Variants in KATNAL1 observed in about 807,000 individuals in gnomAD.
KATNAL1 encodes katanin p60 ATPase-containing subunit A-like 1.
Under a neutral mutation model 55.2 loss-of-function variants are expected in KATNAL1, and 32 were observed. The ratio of observed to expected loss-of-function variants is 0.58; its 90% CI spans 0.44 to 0.78. The LOEUF (loss-of-function observed/expected upper bound fraction) is 0.78, where lower values mean the gene tolerates loss of function less well. Ranked by LOEUF, KATNAL1 falls within the 30% of genes least tolerant of loss-of-function variation. The pLI is 0.00. For synonymous variants in KATNAL1, 193 were observed against 193.6 expected (o/e 1.00, Z 0.02); for missense variants, 466 against 600.9 (o/e 0.78, Z 2.35).
At chr13:30,271,512 C>T (rs1045423707) in intron 3 of KATNAL1, among the ~76,000 whole-genome samples, 4 of 151,896 alleles carry the variant, frequency 2.6e-5, no homozygotes, top group Admixed American at 2.0e-4. Context: ...TTGGGGGGTG[C>T]GGGCGGAAGG....
At chr13:30,248,837 A>G (rs972123037) in intron 4 of KATNAL1, among the ~76,000 whole-genome samples, 1 of 152,196 alleles carries the variant, frequency 6.6e-6, no homozygotes. Context: ...AGACGGGTGG[A>G]TCACGAGGTC....
chr13:30,233,375 A>G (rs928984068), intron 6 of KATNAL1, among the ~76,000 whole-genome samples: 1 of 152,222 alleles, frequency 6.6e-6, no homozygotes, highest in Non-Finnish European at 1.5e-5. Context: ...ATCACTAATC[A>G]TTAGAGAAAT....
At chr13:30,274,907 G>GCGCGCGCGCGCGCGCGCGCACACA (rs869107567) in intron 3 of KATNAL1, among the ~76,000 whole-genome samples, 10 of 105,386 alleles carry the variant, frequency 9.5e-5, no homozygotes, top group Non-Finnish European at 1.5e-4. Flanking sequence ...GCGCGCGCGC[G>GCGCGCGCGCGCGCGCGCGCACACA]CACACACACA....
In KATNAL1 at chr13:30,301,260, C is replaced by T. The variant is rs1388525060; in HGVS notation, c.-15+6071G>A. 7.2e-5 allele frequency among the ~76,000 whole-genome samples: 11 copies of T among 152,286 alleles called. 1 individual carries two copies. The South Asian group carries it at 2.1e-3, about 29-fold the overall frequency. On this transcript the variant is annotated intron_variant, in intron 1 of 10. Transcript: ENST00000380615. ...TAGCGAGTGCCTGTGGTCCCAGCTA[C>T]TCAGGAGGCTGAGGCGGCAGAAGCT...
At chr13:30,292,534 G>A (rs1566133302) in intron 1 of KATNAL1, among the ~76,000 whole-genome samples, 1 of 152,112 alleles carries the variant, frequency 6.6e-6, no homozygotes, top group East Asian at 1.9e-4. Context: ...TGTTCCAAAG[G>A]GAGATACTGT....
intron 6 of KATNAL1, among the ~76,000 whole-genome samples, chr13:30,236,692 A>G (rs1876722531): frequency 6.6e-6 from 1 of 152,170 alleles, no homozygotes; most frequent in African/African-American, 2.4e-5. Flanking sequence ...AAAACTCTTC[A>G]ATGGCTCACT....
At chr13:30,276,244 G>T (rs760618583) in intron 3 of KATNAL1, among the ~76,000 whole-genome samples, 4 of 152,192 alleles carry the variant, frequency 2.6e-5, no homozygotes, top group Non-Finnish European at 5.9e-5. Context: ...AACTGCTGGT[G>T]ATTTAAACCT....
intron 2 of KATNAL1, 24 bp downstream of exon 2, chr13:30,283,592 T>A (rs1394083050): frequency 6.2e-7 from 1 of 1,610,682 alleles, no homozygotes; most frequent in East Asian, 2.2e-5. Context: ...TCCTAACTCA[T>A]CTAATACTTT....
chr13:30,274,689 A>T (rs2137515069), intron 3 of KATNAL1, among the ~76,000 whole-genome samples: 1 of 152,288 alleles, frequency 6.6e-6, no homozygotes, highest in Non-Finnish European at 1.5e-5. Context: ...ATTAAATAGA[A>T]CTACCTTATG....
In KATNAL1 at chr13:30,286,336, C is replaced by T. The variant is rs539673536; in HGVS notation, c.-14-2545G>A. 4.9e-4 allele frequency among the ~76,000 whole-genome samples: 74 copies of T among 152,362 alleles called. 1 individual carries two copies. Among genetic ancestry groups the T allele is most frequent in the African/African-American group, 1.7e-3 (71 of 41,586 alleles). On this transcript the variant is annotated intron_variant, in intron 1 of 10. Transcript: ENST00000380615. ...CTGGGCTGGGTCCAGGGCCCCTCTG[C>T]TGTGTGCAGCCTCGGGACTTGGTGC...
chr13:30,223,296 G>A (rs1266696882), intron 9 of KATNAL1, among the ~76,000 whole-genome samples: 1 of 150,982 alleles, frequency 6.6e-6, no homozygotes, highest in Non-Finnish European at 1.5e-5. Context: ...CAAAAAATTA[G>A]CCGGGAATGG....
chr13:30,213,522 C>A (rs1873900055), intron 9 of KATNAL1, among the ~76,000 whole-genome samples: 1 of 152,166 alleles, frequency 6.6e-6, no homozygotes, highest in Non-Finnish European at 1.5e-5. Context: ...CAAAAATCCT[C>A]AATAAAATAC....
intron 3 of KATNAL1, among the ~76,000 whole-genome samples, chr13:30,270,662 T>A (rs879701015): frequency 6.6e-6 from 1 of 151,824 alleles, no homozygotes; most frequent in Non-Finnish European, 1.5e-5. Context: ...CAGGGTTAAA[T>A]GGATTAAGGG....
rs539596214 is a variant in KATNAL1 at position 30,277,575 on chromosome 13, A to G, written c.323+2488T>C. 3.3e-5 allele frequency among the ~76,000 whole-genome samples: 5 copies of G among 152,376 alleles called. No homozygotes were observed. The East Asian group carries it at 9.6e-4, about 29-fold the overall frequency. On this transcript the variant is annotated intron_variant, in intron 3 of 10. Coordinates refer to ENST00000380615, the MANE Select transcript of KATNAL1 (RefSeq NM_032116.5). ...CTGGAGAAGAAACGAAGTTTATAAA[A>G]CAAGAAAAATATTATTATACAACTC... is the stretch of plus-strand genomic sequence containing the variant.
intron 9 of KATNAL1, among the ~76,000 whole-genome samples, chr13:30,211,588 T>C (rs1461923340): frequency 3.3e-5 from 5 of 152,246 alleles, no homozygotes; most frequent in African/African-American, 1.2e-4. Flanking sequence ...AGTTCCCCAG[T>C]GTTTACTTTT....
At chr13:30,295,136 T>C (rs1303813808) in intron 1 of KATNAL1, among the ~76,000 whole-genome samples, 1 of 152,244 alleles carries the variant, frequency 6.6e-6, no homozygotes, top group African/African-American at 2.4e-5. Flanking sequence ...ATTTCAACTT[T>C]CAAATCTTAT....
Sources: allele counts gnomAD v4.1 joint callset (sites outside exome capture counted in the v4.1 genomes callset), GRCh38; gene constraint gnomAD v4.1.1; transcripts MANE v1.5; gene names NCBI Gene and HGNC (gene_info 2026-07-23, HGNC 2026-07-21).